CLIP1: variants seen among roughly 807,000 people sequenced by gnomAD.
CLIP1 encodes the protein CAP-Gly domain containing linker protein 1, also known as CAP-Gly domain-containing linker protein 1.
In CLIP1, 66 loss-of-function variants were observed where a neutral mutation model predicts 161.6. That is an observed-to-expected ratio of 0.41 (90% CI 0.33 to 0.50). The LOEUF (loss-of-function observed/expected upper bound fraction) is 0.50, where lower values mean the gene tolerates loss of function less well. Among genes scored for constraint, CLIP1 ranks in the 20% least tolerant of loss-of-function variants. CLIP1 has a pLI of 0.27. For synonymous variants in CLIP1, 598 were observed against 626.2 expected (o/e 0.96, Z 0.67); for missense variants, 1,376 against 1,702.0 (o/e 0.81, Z 3.37).
At chr12:122,390,564 G>C (rs1955614027) in intron 1 of CLIP1, among the ~76,000 whole-genome samples, 1 of 151,432 alleles carries the variant, frequency 6.6e-6, no homozygotes, top group South Asian at 2.1e-4. Context: ...CGCCCACCTC[G>C]GCCTCCCAAA....
chr12:122,288,568 G>T, intron 20 of CLIP1, 27 bp from the exon 21 acceptor site: 1 of 1,595,344 alleles, frequency 6.3e-7, no homozygotes. Flanking sequence ...AAAAACTTCA[G>T]TTCATAACCA....
chr12:122,386,473 T>C (rs372378022), intron 1 of CLIP1, among the ~76,000 whole-genome samples: 1 of 152,260 alleles, frequency 6.6e-6, no homozygotes, highest in East Asian at 1.9e-4. Context: ...ACCATTGTTA[T>C]GGAAAAGGTT....
intron 17 of CLIP1, among the ~76,000 whole-genome samples, chr12:122,321,521 G>A (rs1249784199): frequency 6.7e-6 from 1 of 150,204 alleles, no homozygotes; most frequent in Non-Finnish European, 1.5e-5. Flanking sequence ...CACCACACCT[G>A]GCTGTTCTTT....
intron 2 of CLIP1, among the ~76,000 whole-genome samples, chr12:122,379,937 C>G (rs1172866579): frequency 2.4e-5 from 2 of 82,704 alleles, no homozygotes; most frequent in African/African-American, 8.7e-5. Flanking sequence ...GAGCAAGACT[C>G]CATCTTTAAA....
rs550177949 is a variant in CLIP1 at position 122,355,644 on chromosome 12, A to C, written c.1006-332T>G. On this transcript the variant is annotated intron_variant, in intron 5 of 25. Transcript: ENST00000620786. This position sits in a 1 kb window ranked among gnomAD's most constrained non-coding sequence, Gnocchi z 4.1. The stretch of plus-strand genomic sequence containing the variant: ...AGATGATGAGACCCCATCTCTACTA[A>C]AAATACAAAAATTAGCTGGAGTGCA... 5.1e-4 allele frequency: 122 copies of C among 239,074 alleles called. No individual in the cohort carries two copies. The highest frequency in any genetic ancestry group is 9.0e-4 in the Non-Finnish European group (110 of 122,648). The allele number at this position is 239,074 out of a possible 1,614,324, so 14.8% of individuals were successfully genotyped here.
chr12:122,404,571 G>A (rs1054198055), intron 1 of CLIP1, among the ~76,000 whole-genome samples: 1 of 151,746 alleles, frequency 6.6e-6, no homozygotes, highest in Non-Finnish European at 1.5e-5. Flanking sequence ...CAGCACTCCA[G>A]CCTGGGCAAC....
chr12:122,331,030 T>TC (rs1951939495), intron 15 of CLIP1, among the ~76,000 whole-genome samples: 6 of 151,876 alleles, frequency 4.0e-5, no homozygotes, highest in Admixed American at 1.3e-4. Flanking sequence ...TATTTTTTTT[T>TC]TGAGACGGAG....
intron 1 of CLIP1, among the ~76,000 whole-genome samples, chr12:122,406,537 T>C (rs1956334469): frequency 6.6e-6 from 1 of 152,214 alleles, no homozygotes; most frequent in South Asian, 2.1e-4. Flanking sequence ...CTGCTAACCT[T>C]AAGTGTTGAT....
chr12:122,320,737 G>T (rs1333445003), intron 17 of CLIP1, among the ~76,000 whole-genome samples: 2 of 149,654 alleles, frequency 1.3e-5, no homozygotes, highest in East Asian at 4.0e-4. Flanking sequence ...TTTTTAGGCA[G>T]TCTCATTCTG....
intron 4 of CLIP1, 36 bp downstream of exon 4, chr12:122,363,947 A>G (rs745376608): frequency 1.2e-6 from 2 of 1,613,360 alleles, no homozygotes; most frequent in South Asian, 1.1e-5. Context: ...GTCACGTACA[A>G]GAGTGACACA....
chr12:122,367,497 A>G (rs1395750459), intron 3 of CLIP1, among the ~76,000 whole-genome samples: 1 of 152,202 alleles, frequency 6.6e-6, no homozygotes, highest in Non-Finnish European at 1.5e-5. Context: ...ATCATTCTAC[A>G]ATCAAAAAAC....
intron 1 of CLIP1, among the ~76,000 whole-genome samples, chr12:122,388,425 T>C (rs1039687832): frequency 3.3e-5 from 5 of 152,144 alleles, no homozygotes; most frequent in Non-Finnish European, 2.9e-5. Context: ...TTCACCGTGT[T>C]AGCCAGGATG....
At chr12:122,313,082 A>G (rs1007046104) in intron 19 of CLIP1, among the ~76,000 whole-genome samples, 1 of 152,104 alleles carries the variant, frequency 6.6e-6, no homozygotes, top group African/African-American at 2.4e-5. Flanking sequence ...CCTACTCCCC[A>G]TACCTCCTGT....
intron 21 of CLIP1, among the ~76,000 whole-genome samples, chr12:122,284,049 CT>C (rs1268800528): frequency 6.6e-6 from 1 of 152,144 alleles, no homozygotes; most frequent in Non-Finnish European, 1.5e-5. Flanking sequence ...CATATGAATC[CT>C]TTATCAATCT....
intron 4 of CLIP1, among the ~76,000 whole-genome samples, chr12:122,363,551 G>A (rs548767759): frequency 5.3e-5 from 8 of 151,410 alleles, no homozygotes; most frequent in Admixed American, 2.0e-4. Flanking sequence ...TCCGCTTGGC[G>A]GTCTGTTCTC....
At chr12:122,398,734 C>T (rs1383967838) in intron 1 of CLIP1, among the ~76,000 whole-genome samples, 1 of 151,602 alleles carries the variant, frequency 6.6e-6, no homozygotes. Flanking sequence ...ATTAGCCGGG[C>T]ATGGTGGCGC....
At position 122,404,824 on chromosome 12, in the gene CLIP1, C is replaced by T. The variant is rs372963007; in HGVS notation, c.-107+17697G>A. Among the ~76,000 whole-genome samples the T allele has an allele frequency of 1.2e-4, 16 of 131,552 alleles. No homozygotes were observed. In the South Asian group the frequency reaches 2.2e-3, roughly 18 times the overall value. 86.3% of individuals were successfully genotyped at this position (131,552 alleles called of 152,430 possible). On this transcript the variant is annotated intron_variant, in intron 1 of 25. Coordinates refer to ENST00000620786, the MANE Select transcript of CLIP1 (RefSeq NM_001247997.2). ...AGGCTGAGGCAGAATGGTGTGAACCCGGGAGGCGGAGGTTGCAGTGAGCCA... is the reference window on the plus strand; with the variant it reads ...AGGCTGAGGCAGAATGGTGTGAACCTGGGAGGCGGAGGTTGCAGTGAGCCA...
At chr12:122,288,659 CAGCAATGAAGAGGGACA>C in intron 20 of CLIP1, 118 bp from the exon 21 acceptor site, 1 of 769,258 alleles carries the variant, frequency 1.3e-6, no homozygotes, top group East Asian at 2.6e-5. Flanking sequence ...CTTTCCTCAA[CAGCAATGAAGAGGGACA>C]AGTGGTCACT....
At chr12:122,369,542 G>C (rs188452037) in intron 3 of CLIP1, among the ~76,000 whole-genome samples, 3 of 151,954 alleles carry the variant, frequency 2.0e-5, no homozygotes, top group East Asian at 3.9e-4. Context: ...GCCAGGCCCT[G>C]TCCTAAGTGT....
Sources: gnomAD v4.1 joint callset for allele counts (sites outside exome capture counted in the v4.1 genomes callset) on GRCh38, gnomAD v4.1.1 for gene constraint, Gnocchi (gnomAD v3.1) non-coding constraint, MANE v1.5 for transcripts, NCBI Gene and HGNC (gene_info 2026-07-23, HGNC 2026-07-21) for gene names.